The following PPFIA3 variants were observed in gnomAD, a reference collection of about 807,000 sequenced individuals.
The protein encoded by PPFIA3 is liprin-alpha-3.
In PPFIA3, 26 loss-of-function variants were observed where a neutral mutation model predicts 145.8. That is an observed-to-expected ratio of 0.18 (90% CI 0.13 to 0.25). PPFIA3 has a LOEUF of 0.25. Ranked by LOEUF, PPFIA3 falls within the 10% of genes least tolerant of loss-of-function variation. The pLI is 1.00. For missense variants in PPFIA3, 1,008 were observed against 1,587.8 expected (o/e 0.63, Z 6.21); for synonymous variants, 645 against 661.4 (o/e 0.98, Z 0.38).
At chr19:49,132,206 C>T (rs1199007162) in intron 7 of PPFIA3, among the ~76,000 whole-genome samples, 1 of 150,896 alleles carries the variant, frequency 6.6e-6, no homozygotes, top group Non-Finnish European at 1.5e-5. Flanking sequence ...TGGCCAACAT[C>T]GTGAAACCCC....
At chr19:49,146,428 C>T in intron 23 of PPFIA3, 2 of 595,174 alleles carry the variant, frequency 3.4e-6, no homozygotes, top group Admixed American at 3.1e-5. Flanking sequence ...TGGACCATTT[C>T]ATCATCGTGG....
At chr19:49,121,373 A>C (rs1451217903) in intron 1 of PPFIA3, among the ~76,000 whole-genome samples, 1 of 152,102 alleles carries the variant, frequency 6.6e-6, no homozygotes, top group Non-Finnish European at 1.5e-5. Context: ...GCACTGGCAC[A>C]ATCACAGCTC....
chr19:49,150,272 G>A lies in PPFIA3; in HGVS notation c.*50G>A. ...CGGACGGAAGAATCTTCCCGAGGCT[G>A]GGCTGTTCCCTCTCCTGCCCGGACT... On this transcript the variant is annotated 3_prime_UTR_variant, in exon 30 of 30. Transcript: ENST00000334186. 2 of 989,278 alleles carry A rather than the reference G, an allele frequency of 2.0e-6. No individual in the cohort carries two copies. Among genetic ancestry groups the A allele is most frequent in the Non-Finnish European group, 3.0e-6 (2 of 677,372 alleles). 61.3% of individuals were successfully genotyped at this position (989,278 alleles called of 1,614,324 possible). A position where few individuals can be genotyped will look rare whatever the true frequency, so the allele number is the denominator to read the frequency against.
intron 19 of PPFIA3, 48 bp downstream of exon 19, chr19:49,141,561 AGTGTGTGAGGGTGTGT>A (rs1568439967): frequency 2.0e-6 from 3 of 1,491,648 alleles, no homozygotes; most frequent in Non-Finnish European, 2.8e-6. Flanking sequence ...TGAATGTGAG[AGTGTGTGAGGGTGTGT>A]GTGTGCGTGT....
Position 49,142,947 on chromosome 19 carries a change from C to T in PPFIA3, c.2688C>T (p.Leu896=), listed in dbSNP as rs1215301618. ...CGCTGCACCGACTCAAGCTACGCCTCGCCATCCAGGAGATGGTCTCGCTCA... is the reference window on the plus strand; with the variant it reads ...CGCTGCACCGACTCAAGCTACGCCTTGCCATCCAGGAGATGGTCTCGCTCA... ...SNPLHRLKLR[L]AIQEMVSLTS... The change falls in exon 21 of 30, where the codon CTC becomes CTT. Residue 896 remains leucine (L), a synonymous_variant. Transcript: ENST00000334186. 1 of 1,613,370 alleles carries T rather than the reference C, an allele frequency of 6.2e-7. No individual in the cohort carries two copies. Among genetic ancestry groups the T allele is most frequent in the Non-Finnish European group, 8.5e-7 (1 of 1,180,018 alleles).
rs1254224999 is a variant in PPFIA3, at chr19:49,120,877, G to C, written c.-16+1155G>C. The stretch of plus-strand genomic sequence containing the variant: ...ACCCTCTCTCCAAACAAGACCTCAG[G>C]CTCTCACCTTCCAATCCCCCATCAT... On this transcript the variant is annotated intron_variant, in intron 1 of 29. Transcript: ENST00000334186. The surrounding 1 kb of genome is among the most constrained non-coding windows in gnomAD (Gnocchi z 4.6). Among the ~76,000 whole-genome samples, 1 of 152,038 alleles carries C rather than the reference G, an allele frequency of 6.6e-6. No individual in the cohort carries two copies. Among genetic ancestry groups the C allele is most frequent in the Non-Finnish European group, 1.5e-5 (1 of 67,994 alleles).
At chr19:49,140,120 T>C (rs748313615) in intron 18 of PPFIA3, 32 bp downstream of exon 18, 32 of 1,607,952 alleles carry the variant, frequency 2.0e-5, no homozygotes, top group Non-Finnish European at 2.6e-5. Flanking sequence ...TTCCCTCCTT[T>C]GTTCCTTCCT....
Position 49,128,733 on chromosome 19 carries a change from C to A in PPFIA3, c.343-115C>A, listed in dbSNP as rs2041034415. On this transcript the variant is annotated intron_variant, in intron 3 of 29. Transcript: ENST00000334186. The surrounding 1 kb of genome is among the most constrained non-coding windows in gnomAD (Gnocchi z 4.1). ...TCTTTTCCTGACCTGTCTCGGTGCTCCTTTATATGGCTCCATCTTTTCCTC... is the reference window on the plus strand; with the variant it reads ...TCTTTTCCTGACCTGTCTCGGTGCTACTTTATATGGCTCCATCTTTTCCTC... 9.1e-7 allele frequency: 1 copy of A among 1,093,006 alleles called. No individual in the cohort carries two copies. The highest frequency in any genetic ancestry group is 1.3e-6 in the Non-Finnish European group (1 of 762,402). 67.7% of individuals were successfully genotyped at this position (1,093,006 alleles called of 1,614,324 possible). A position where few individuals can be genotyped will look rare whatever the true frequency, so the allele number is the denominator to read the frequency against.
At chr19:49,129,585 G>C in intron 5 of PPFIA3, 131 bp downstream of exon 5, 1 of 986,136 alleles carries the variant, frequency 1.0e-6, no homozygotes, top group Non-Finnish European at 1.5e-6. Context: ...CAAGCTATGG[G>C]GTTGGACTAT....
chr19:49,134,803 T>G (rs1600336359), intron 12 of PPFIA3, 33 bp from the exon 13 acceptor site: 1 of 1,605,598 alleles, frequency 6.2e-7, no homozygotes, highest in East Asian at 2.2e-5. Context: ...GCGGAGCAGA[T>G]TCTAACCCGA....
intron 18 of PPFIA3, among the ~76,000 whole-genome samples, chr19:49,140,482 G>A (rs2041206207): frequency 6.6e-6 from 1 of 151,250 alleles, no homozygotes; most frequent in South Asian, 2.1e-4. Flanking sequence ...TTGAGCAGCT[G>A]GGACTATAGG....
At position 49,133,713 on chromosome 19, in the gene PPFIA3, G is replaced by T. The variant is rs910612572; in HGVS notation, c.1162-83G>T. ...CCTGGCGCTGTGGGGGCGGAGCCTGGCGCTCAGCCTTGGAGGAGGTGGGGC... is the reference window on the plus strand; with the variant it reads ...CCTGGCGCTGTGGGGGCGGAGCCTGTCGCTCAGCCTTGGAGGAGGTGGGGC... On this transcript the variant is annotated intron_variant, in intron 9 of 29. Coordinates refer to ENST00000334186, the MANE Select transcript of PPFIA3 (RefSeq NM_003660.4). This position sits in a 1 kb window ranked among gnomAD's most constrained non-coding sequence, Gnocchi z 7.2. 5.0e-6 allele frequency: 7 copies of T among 1,410,792 alleles called. No homozygotes were observed. Among genetic ancestry groups the T allele is most frequent in the Non-Finnish European group, 6.9e-6 (7 of 1,009,652 alleles). 87.4% of individuals were successfully genotyped at this position (1,410,792 alleles called of 1,614,324 possible). A position where few individuals can be genotyped will look rare whatever the true frequency, so the allele number is the denominator to read the frequency against.
chr19:49,136,929 C>G lies in PPFIA3; in HGVS notation c.1853+18C>G. On this transcript the variant is annotated intron_variant, in intron 15 of 29. Coordinates refer to ENST00000334186, the MANE Select transcript of PPFIA3 (RefSeq NM_003660.4). ...GAGATCAAGTGAGCCCTGGCCCCGC[C>G]CCGGCCTGCCCTGCCCTGCCGGAGC... is the stretch of plus-strand genomic sequence containing the variant. 6.7e-7 allele frequency: 1 copy of G among 1,492,748 alleles called. No individual in the cohort carries two copies. Among genetic ancestry groups the G allele is most frequent in the Non-Finnish European group, 9.0e-7 (1 of 1,112,944 alleles). 92.5% of individuals were successfully genotyped at this position (1,492,748 alleles called of 1,614,324 possible). A position where few individuals can be genotyped will look rare whatever the true frequency, so the allele number is the denominator to read the frequency against.
At chr19:49,127,439 AAAG>A (rs1191032883) in intron 1 of PPFIA3, among the ~76,000 whole-genome samples, 9 of 150,766 alleles carry the variant, frequency 6.0e-5, no homozygotes, top group East Asian at 5.8e-4. Flanking sequence ...AAAGAAAAGA[AAAG>A]AAAAAAATTA....
chr19:49,122,718 T>G lies in PPFIA3; in HGVS notation c.-16+2996T>G, dbSNP rs1195033542. ...TGTTGTTGTTGTTGTTTAGTTGTTT[T>G]TTTTTTTTTTTTTTTTGGCGGGGGA... On this transcript the variant is annotated intron_variant, in intron 1 of 29. Transcript: ENST00000334186. Among the ~76,000 whole-genome samples the G allele has an allele frequency of 5.4e-4, 80 of 147,464 alleles. 6 individuals carry two copies. Among genetic ancestry groups the G allele is most frequent in the South Asian group, 8.6e-4 (4 of 4,678 alleles).
At chr19:49,126,116 AT>A (rs1473478990) in intron 1 of PPFIA3, among the ~76,000 whole-genome samples, 3 of 151,066 alleles carry the variant, frequency 2.0e-5, no homozygotes, top group African/African-American at 7.3e-5. Context: ...ACGCAAGCTA[AT>A]TTTTGTATTT....
rs1237998581 is a variant in PPFIA3, at chr19:49,136,931, C to T, written c.1853+20C>T. 1.7e-5 allele frequency: 25 copies of T among 1,491,650 alleles called. No individual in the cohort carries two copies. Among genetic ancestry groups the T allele is most frequent in the Middle Eastern group, 2.4e-4 (1 of 4,142 alleles). The allele number at this position is 1,491,650 out of a possible 1,614,324, so 92.4% of individuals were successfully genotyped here. ...GATCAAGTGAGCCCTGGCCCCGCCC[C>T]GGCCTGCCCTGCCCTGCCGGAGCTG... On this transcript the variant is annotated intron_variant, in intron 15 of 29. Transcript: ENST00000334186.
At chr19:49,148,618 T>A in intron 24 of PPFIA3, 48 bp from the exon 25 acceptor site, 1 of 1,448,694 alleles carries the variant, frequency 6.9e-7, no homozygotes, top group African/African-American at 1.4e-5. Context: ...AGCAGCAGTC[T>A]AGGGGACTGG....
Position 49,128,629 on chromosome 19 carries a change from C to G in PPFIA3, c.342+161C>G. 1 of 773,902 alleles carries G rather than the reference C, an allele frequency of 1.3e-6. No individual in the cohort carries two copies. The highest frequency in any genetic ancestry group is 2.1e-6 in the Non-Finnish European group (1 of 481,132). 47.9% of individuals were successfully genotyped at this position (773,902 alleles called of 1,614,324 possible). On this transcript the variant is annotated intron_variant, in intron 3 of 29. Coordinates refer to ENST00000334186, the MANE Select transcript of PPFIA3 (RefSeq NM_003660.4). This position sits in a 1 kb window ranked among gnomAD's most constrained non-coding sequence, Gnocchi z 4.1. The stretch of plus-strand genomic sequence containing the variant: ...CTCCCACTTCCTGGCTGGTCTCCCA[C>G]TCTGGTGCCACTCCTTCCTCCCTGT...
Sources: gnomAD v4.1 joint callset for allele counts (sites outside exome capture counted in the v4.1 genomes callset) on GRCh38, gnomAD v4.1.1 for gene constraint, Gnocchi (gnomAD v3.1) non-coding constraint, MANE v1.5 for transcripts, NCBI Gene and HGNC (gene_info 2026-07-23, HGNC 2026-07-21) for gene names.